RDX: variants seen among roughly 807,000 people sequenced by gnomAD.
RDX encodes radixin.
A neutral mutation model predicts 83.7 loss-of-function variants in RDX; 32 were observed. The ratio of observed to expected loss-of-function variants is 0.38; its 90% CI spans 0.29 to 0.51. The LOEUF is 0.51. Among genes scored for constraint, RDX ranks in the 20% least tolerant of loss-of-function variants. The pLI is 0.87. For missense variants in RDX, 600 were observed against 689.9 expected, an observed-to-expected ratio of 0.87 and a Z score of 1.46; for synonymous variants, 229 against 222.7, an observed-to-expected ratio of 1.03 and a Z score of -0.25.
chr11:110,221,832 A>T (rs1426913333), intron 14 of RDX, among the ~76,000 whole-genome samples: 2 of 152,088 alleles, frequency 1.3e-5, no homozygotes, highest in African/African-American at 4.8e-5. Context: ...TTCTTCTGGC[A>T]CTTAACTACC....
chr11:110,176,446 G>A (rs941858124), intron 15 of RDX, among the ~76,000 whole-genome samples: 1 of 151,978 alleles, frequency 6.6e-6, no homozygotes, highest in Non-Finnish European at 1.5e-5. Flanking sequence ...TCATCTCCTG[G>A]CTCTGAGTCA....
intron 14 of RDX, among the ~76,000 whole-genome samples, chr11:110,220,448 C>T (rs552029036): frequency 1.6e-4 from 24 of 152,238 alleles, no homozygotes; most frequent in African/African-American, 5.5e-4. Flanking sequence ...GATTCAAACC[C>T]GAGGTGGGAA....
At chr11:110,262,665 G>A (rs760950712) in intron 5 of RDX, among the ~76,000 whole-genome samples, 4 of 151,704 alleles carry the variant, frequency 2.6e-5, no homozygotes, top group Non-Finnish European at 5.9e-5. Context: ...TAAATAACAC[G>A]TTTCACACTT....
chr11:110,289,238 C>CAAA (rs753424624), intron 1 of RDX, among the ~76,000 whole-genome samples: 18 of 54,262 alleles, frequency 3.3e-4, no homozygotes, highest in South Asian at 1.2e-3. Context: ...AACTCTATCT[C>CAAA]AAAAAAAAAA....
chr11:110,260,016 C>T (rs1374921724), intron 5 of RDX, among the ~76,000 whole-genome samples: 3 of 150,532 alleles, frequency 2.0e-5, no homozygotes, highest in Non-Finnish European at 4.4e-5. Context: ...GACAGAGTTT[C>T]GCTCTTGTTG....
intron 1 of RDX, among the ~76,000 whole-genome samples, chr11:110,282,620 T>G (rs1416101679): frequency 6.6e-6 from 1 of 152,174 alleles, no homozygotes; most frequent in African/African-American, 2.4e-5. Flanking sequence ...CAAAATGTTA[T>G]AGAAAAATAC....
intron 14 of RDX, among the ~76,000 whole-genome samples, chr11:110,206,916 A>C (rs190067522): frequency 5.5e-4 from 84 of 152,300 alleles, no homozygotes; most frequent in African/African-American, 1.9e-3. Flanking sequence ...GCAATTCTCA[A>C]AGTGTGGTCC....
chr11:110,295,740 G>A (rs893360467), intron 1 of RDX, among the ~76,000 whole-genome samples: 1 of 152,044 alleles, frequency 6.6e-6, no homozygotes, highest in African/African-American at 2.4e-5. Flanking sequence ...ATCATGTACT[G>A]AACTTGTCTG....
rs762915826 is a variant in RDX, at chr11:110,247,720, G to T, written c.1073C>A (p.Thr358Lys). The change falls in exon 10 of 14, where the codon ACA becomes AAA. Residue 358 changes from threonine (T) to lysine (K), a missense_variant. Transcript: ENST00000645495. ...MERLKQIEEQ[T>K]IKAQKELEEQ... Reference sequence around the variant, plus strand: ...ACTTTTACCTTTCTGAGCTTTAATTGTCTGCTCTTCAATTTGTTTTAGACG... The same window carrying T: ...ACTTTTACCTTTCTGAGCTTTAATTTTCTGCTCTTCAATTTGTTTTAGACG... 4.3e-6 allele frequency: 7 copies of T among 1,611,816 alleles called. No homozygotes were observed. Among genetic ancestry groups the T allele is most frequent in the Non-Finnish European group, 5.9e-6 (7 of 1,179,426 alleles).
chr11:110,193,452 C>T (rs978829153), intron 15 of RDX, among the ~76,000 whole-genome samples: 2 of 152,130 alleles, frequency 1.3e-5, no homozygotes, highest in Non-Finnish European at 2.9e-5. Flanking sequence ...ATCATTCATA[C>T]CCCAAACCTC....
At chr11:110,179,615 A>G (rs1278855762) in intron 15 of RDX, among the ~76,000 whole-genome samples, 1 of 152,090 alleles carries the variant, frequency 6.6e-6, no homozygotes, top group Non-Finnish European at 1.5e-5. Context: ...TCTACTAAAA[A>G]TACAAAAATT....
At chr11:110,181,454 G>A (rs1050033899) in intron 15 of RDX, among the ~76,000 whole-genome samples, 1 of 152,082 alleles carries the variant, frequency 6.6e-6, no homozygotes, top group Non-Finnish European at 1.5e-5. Context: ...GAGCCACCGC[G>A]CCTGGCCAGG....
intron 2 of RDX, among the ~76,000 whole-genome samples, chr11:110,273,279 G>A (rs980981542): frequency 6.6e-6 from 1 of 152,190 alleles, no homozygotes; most frequent in African/African-American, 2.4e-5. Flanking sequence ...CAAATTCTTT[G>A]AATGTGATTC....
intron 14 of RDX, among the ~76,000 whole-genome samples, chr11:110,204,619 C>T (rs776881162): frequency 4.0e-5 from 6 of 148,410 alleles, no homozygotes; most frequent in Non-Finnish European, 8.9e-5. Context: ...CGGGTTCAAG[C>T]GATTCTCCTG....
intron 9 of RDX, among the ~76,000 whole-genome samples, chr11:110,248,110 A>G (rs763965276): frequency 6.6e-6 from 1 of 152,170 alleles, no homozygotes; most frequent in East Asian, 1.9e-4. Context: ...GTGAGGGACA[A>G]AAGACCACAT....
Position 110,246,219 on chromosome 11 carries a change from T to C in RDX, c.1090+1484A>G, listed in dbSNP as rs545238909. 3.3e-5 allele frequency among the ~76,000 whole-genome samples: 5 copies of C among 152,310 alleles called. No individual in the cohort carries two copies. The South Asian group carries it at 1.0e-3, about 32-fold the overall frequency. On this transcript the variant is annotated intron_variant, in intron 10 of 13. Transcript: ENST00000645495. ...CCTAGGTTATTGCTATTTATTCTCC[T>C]AGAAGTATTATTTCTAATCCTCTTG... is the stretch of plus-strand genomic sequence containing the variant.
At chr11:110,295,746 G>C (rs1462449904) in intron 1 of RDX, among the ~76,000 whole-genome samples, 1 of 152,012 alleles carries the variant, frequency 6.6e-6, no homozygotes, top group Non-Finnish European at 1.5e-5. Context: ...TACTGAACTT[G>C]TCTGGTGGGG....
chr11:110,283,592 G>T (rs1159607617), intron 1 of RDX, among the ~76,000 whole-genome samples: 3 of 152,016 alleles, frequency 2.0e-5, no homozygotes, highest in African/African-American at 7.2e-5. Context: ...AGAAGCAGTG[G>T]CTCCTACTTG....
intron 10 of RDX, among the ~76,000 whole-genome samples, chr11:110,240,602 G>A (rs1435954766): frequency 7.3e-5 from 11 of 150,988 alleles, no homozygotes; most frequent in East Asian, 3.9e-4. Flanking sequence ...AAAATTAGCC[G>A]GGCGTGGTAG....
Sources: allele counts gnomAD v4.1 joint callset (sites outside exome capture counted in the v4.1 genomes callset), GRCh38; gene constraint gnomAD v4.1.1; transcripts MANE v1.5; gene names NCBI Gene and HGNC (gene_info 2026-07-23, HGNC 2026-07-21).